The following WWOX variants were observed in gnomAD, a reference collection of about 807,000 sequenced individuals.
WWOX encodes WW domain containing oxidoreductase.
Under a neutral mutation model 46.2 loss-of-function variants are expected in WWOX, and 69 were observed. The observed-to-expected ratio is 1.49, with a 90% CI of 1.23 to 1.82. WWOX has a LOEUF of 1.82. WWOX is among the 40% of genes most tolerant of loss of function. The probability of loss-of-function intolerance (pLI) is 0.00; values close to 1 mark genes in which losing one functional copy is unlikely to be tolerated. For missense variants in WWOX, 919 were observed against 542.6 expected (o/e 1.69, Z -6.89); for synonymous variants, 359 against 202.6 (o/e 1.77, Z -6.56).
intron 8 of WWOX, among the ~76,000 whole-genome samples, chr16:79,159,118 C>T (rs571239492): frequency 6.6e-6 from 1 of 152,270 alleles, no homozygotes; most frequent in South Asian, 2.1e-4. Context: ...ATGTAAATTT[C>T]TCTAAGTAAA....
chr16:78,468,961 T>C (rs1433007295), intron 8 of WWOX, among the ~76,000 whole-genome samples: 1 of 152,246 alleles, frequency 6.6e-6, no homozygotes, highest in Non-Finnish European at 1.5e-5. Context: ...GGTATGACGA[T>C]GTCTTACATC....
At chr16:78,480,264 A>T (rs2084454872) in intron 8 of WWOX, among the ~76,000 whole-genome samples, 1 of 152,236 alleles carries the variant, frequency 6.6e-6, no homozygotes, top group Non-Finnish European at 1.5e-5. Flanking sequence ...GAACATTTCT[A>T]CCATAGTAGA....
intron 8 of WWOX, among the ~76,000 whole-genome samples, chr16:78,640,097 A>G (rs1445277147): frequency 6.6e-6 from 1 of 152,118 alleles, no homozygotes; most frequent in Non-Finnish European, 1.5e-5. Flanking sequence ...ATAGAAACAC[A>G]AAGCATTGAG....
rs1292209521 is a variant in WWOX, at chr16:78,940,703, C to G, written c.1057-270905C>G. Among the ~76,000 whole-genome samples, 3 of 149,904 alleles carry G rather than the reference C, an allele frequency of 2.0e-5. No individual in the cohort carries two copies. In the East Asian group the frequency reaches 5.8e-4, roughly 29 times the overall value. On this transcript the variant is annotated intron_variant, in intron 8 of 8. Transcript: ENST00000566780. ...TTTTTTTTTTTTCCTTTTGAATGAC[C>G]ACAAAGCATATCTACCCAGCGGGGT...
chr16:78,886,228 C>CTT (rs34466755), intron 8 of WWOX, among the ~76,000 whole-genome samples: 60 of 142,974 alleles, frequency 4.2e-4, no homozygotes, highest in Non-Finnish European at 5.0e-4. Context: ...CCTGACTGTA[C>CTT]TTTTTTTTTT....
At chr16:78,366,106 C>T (rs998532508) in intron 5 of WWOX, among the ~76,000 whole-genome samples, 2 of 152,136 alleles carry the variant, frequency 1.3e-5, no homozygotes, top group Admixed American at 1.3e-4. Context: ...TATTAGCATA[C>T]TTGGGAAATG....
intron 5 of WWOX, among the ~76,000 whole-genome samples, chr16:78,222,205 C>T (rs1035096409): frequency 2.0e-5 from 3 of 152,010 alleles, no homozygotes; most frequent in South Asian, 2.1e-4. Context: ...CCAGGGGGCA[C>T]GAGGGGCTAA....
chr16:79,189,480 T>C (rs967695542), intron 8 of WWOX, among the ~76,000 whole-genome samples: 5 of 142,022 alleles, frequency 3.5e-5, no homozygotes, highest in Non-Finnish European at 7.7e-5. Context: ...TGTGTGTGTT[T>C]TGTAGAGACA....
intron 6 of WWOX, among the ~76,000 whole-genome samples, chr16:78,401,309 C>G (rs1055774010): frequency 1.3e-5 from 2 of 152,168 alleles, no homozygotes; most frequent in Middle Eastern, 6.8e-3. Flanking sequence ...TAAGAAAAGC[C>G]AAGTTTAAAA....
Position 78,842,761 on chromosome 16 carries a change from A to ATCATCCAT in WWOX, c.1057-368847_1057-368846insTCATCCAT, listed in dbSNP as rs1279841652. Among the ~76,000 whole-genome samples the ATCATCCAT allele has an allele frequency of 2.2e-3, 329 of 151,152 alleles. 23 individuals are homozygous for ATCATCCAT. Among genetic ancestry groups the ATCATCCAT allele is most frequent in the Non-Finnish European group, 3.1e-3 (207 of 67,390 alleles). ...CAGCTACTCAGGAGGCTGAGGCAGT[A>ATCATCCAT]GATTCATTTGAGCCCAGGAGGCGGA... On this transcript the variant is annotated intron_variant, in intron 8 of 8. Transcript: ENST00000566780.
intron 8 of WWOX, among the ~76,000 whole-genome samples, chr16:78,523,421 A>G (rs1439855003): frequency 6.6e-6 from 1 of 152,164 alleles, no homozygotes; most frequent in Non-Finnish European, 1.5e-5. Flanking sequence ...ATCAGTAACA[A>G]TGCCATCCGG....
rs527762311 is a variant in WWOX, at chr16:79,203,273, G to A, written c.1057-8335G>A. The stretch of plus-strand genomic sequence containing the variant: ...TATGTTCTAAATGAAATATTAACAA[G>A]GCCAGCGTCTTGGAACCTGAGAAAT... On this transcript the variant is annotated intron_variant, in intron 8 of 8. Coordinates refer to ENST00000566780, the MANE Select transcript of WWOX (RefSeq NM_016373.4). 6 of 152,262 alleles carry A rather than the reference G, an allele frequency of 3.9e-5. No individual in the cohort carries two copies. In the East Asian group the frequency reaches 1.2e-3, roughly 29 times the overall value. The allele number at this position is 152,262 out of a possible 1,614,324, so 9.4% of individuals were successfully genotyped here. A position where few individuals can be genotyped will look rare whatever the true frequency, so the allele number is the denominator to read the frequency against.
At chr16:78,582,156 G>T (rs746458016) in intron 8 of WWOX, among the ~76,000 whole-genome samples, 18 of 152,132 alleles carry the variant, frequency 1.2e-4, no homozygotes, top group Non-Finnish European at 2.2e-4. Context: ...ACAGTTATAT[G>T]TTCAGCACAA....
intron 5 of WWOX, among the ~76,000 whole-genome samples, chr16:78,303,098 TAGAATC>T (rs2080070385): frequency 1.3e-5 from 2 of 152,338 alleles, no homozygotes; most frequent in South Asian, 4.1e-4. Flanking sequence ...CTAGGATGCT[TAGAATC>T]AGAATTGTTG....
chr16:79,068,828 A>ATAG (rs2048492298), intron 8 of WWOX, among the ~76,000 whole-genome samples: 2 of 102,500 alleles, frequency 2.0e-5, no homozygotes, highest in South Asian at 2.7e-4. Flanking sequence ...CCCAATAATA[A>ATAG]TAATAATAAT....
intron 5 of WWOX, among the ~76,000 whole-genome samples, chr16:78,224,291 C>G (rs1193146753): frequency 6.6e-6 from 1 of 152,088 alleles, no homozygotes; most frequent in African/African-American, 2.4e-5. Flanking sequence ...GTGTGAGCCA[C>G]CACGTCCGGC....
chr16:78,769,014 C>G (rs1177440880), intron 8 of WWOX, among the ~76,000 whole-genome samples: 2 of 152,120 alleles, frequency 1.3e-5, no homozygotes, highest in African/African-American at 4.8e-5. Flanking sequence ...TTTTCAGTCT[C>G]TGGTCAATTT....
At chr16:78,989,766 G>T (rs899338121) in intron 8 of WWOX, among the ~76,000 whole-genome samples, 2 of 151,790 alleles carry the variant, frequency 1.3e-5, no homozygotes, top group Non-Finnish European at 2.9e-5. Flanking sequence ...AGAGTAATGG[G>T]GCTGGCCCAG....
At chr16:78,199,059 T>C (rs1032813298) in intron 5 of WWOX, among the ~76,000 whole-genome samples, 18 of 152,086 alleles carry the variant, frequency 1.2e-4, no homozygotes, top group African/African-American at 4.1e-4. Flanking sequence ...AAATCTCCCA[T>C]GCATCCCACT....
Sources: gnomAD v4.1 joint callset for allele counts (sites outside exome capture counted in the v4.1 genomes callset) on GRCh38, gnomAD v4.1.1 for gene constraint, MANE v1.5 for transcripts, NCBI Gene and HGNC (gene_info 2026-07-23, HGNC 2026-07-21) for gene names.